The following CSMD1 variants were observed in gnomAD, a reference collection of about 807,000 sequenced individuals.
CSMD1 encodes CUB and sushi domain-containing protein 1.
Under a neutral mutation model 417.5 loss-of-function variants are expected in CSMD1, and 213 were observed. The ratio of observed to expected loss-of-function variants is 0.51; its 90% confidence interval spans 0.46 to 0.57. The LOEUF is 0.57. Ranked by LOEUF, CSMD1 falls within the 20% of genes least tolerant of loss-of-function variation. CSMD1 has a pLI of 0.00. For synonymous variants in CSMD1, 2,862 were observed against 1,736.8 expected (o/e 1.65, Z -16.11); for missense variants, 6,923 against 4,529.7 (o/e 1.53, Z -15.17).
intron 5 of CSMD1, among the ~76,000 whole-genome samples, chr8:3,754,952 T>C (rs1279120632): frequency 8.8e-6 from 1 of 113,422 alleles, no homozygotes; most frequent in African/African-American, 3.4e-5. Context: ...AAAATTATGT[T>C]TTAAGAAAGC....
At chr8:4,638,150 A>C (rs1016279206) in intron 1 of CSMD1, among the ~76,000 whole-genome samples, 1 of 152,192 alleles carries the variant, frequency 6.6e-6, no homozygotes, top group African/African-American at 2.4e-5. Flanking sequence ...CAGCCTCATC[A>C]ATATCAAATT....
intron 6 of CSMD1, among the ~76,000 whole-genome samples, chr8:3,742,629 C>A (rs2129050797): frequency 6.6e-6 from 1 of 152,262 alleles, no homozygotes; most frequent in South Asian, 2.1e-4. Flanking sequence ...TCCACTTTTC[C>A]TTCTGCTCGT....
Position 4,358,863 on chromosome 8 carries a change from G to A in CSMD1, c.415+61090C>T, listed in dbSNP as rs569811898. The stretch of plus-strand genomic sequence containing the variant: ...AGTGCTCAAATAACTTTTAAACACG[G>A]TTTTACCAATAATCACCATAAACCT... On this transcript the variant is annotated intron_variant, in intron 3 of 69. Coordinates refer to ENST00000635120, the MANE Select transcript of CSMD1 (RefSeq NM_033225.6). Among the ~76,000 whole-genome samples, 277 of 152,080 alleles carry A rather than the reference G, an allele frequency of 1.8e-3. 1 individual carries two copies. The highest frequency in any genetic ancestry group is 1.8e-3 in the Non-Finnish European group (123 of 67,990).
At chr8:4,249,458 G>C (rs1338952435) in intron 3 of CSMD1, among the ~76,000 whole-genome samples, 1 of 152,198 alleles carries the variant, frequency 6.6e-6, no homozygotes, top group Non-Finnish European at 1.5e-5. Flanking sequence ...CATGGAGACA[G>C]TGCGTGATGT....
intron 3 of CSMD1, among the ~76,000 whole-genome samples, chr8:4,370,509 C>T (rs1802334615): frequency 6.6e-6 from 1 of 152,200 alleles, no homozygotes; most frequent in African/African-American, 2.4e-5. Context: ...GAAGGATTTC[C>T]ATGGACTATA....
intron 10 of CSMD1, among the ~76,000 whole-genome samples, chr8:3,558,819 G>T (rs537358170): frequency 6.6e-6 from 1 of 151,708 alleles, no homozygotes; most frequent in African/African-American, 2.4e-5. Context: ...AGCACCTCGT[G>T]TCCACTCCTC....
chr8:4,494,432 T>A lies in CSMD1; in HGVS notation c.303-74367A>T, dbSNP rs6990919. 6.9e-3 allele frequency among the ~76,000 whole-genome samples: 1,051 copies of A among 152,330 alleles called. 12 individuals carry two copies. The highest frequency in any genetic ancestry group is 0.024 in the African/African-American group (1,001 of 41,572). On this transcript the variant is annotated intron_variant, in intron 2 of 69. Coordinates refer to ENST00000635120, the MANE Select transcript of CSMD1 (RefSeq NM_033225.6). ...CAAGTCAGTTTCCCTACAATTAGTT[T>A]ATCGCATATATTGCTTGAAAACATT...
chr8:3,704,258 G>C (rs1205550162), intron 7 of CSMD1, among the ~76,000 whole-genome samples: 2 of 152,082 alleles, frequency 1.3e-5, no homozygotes, highest in Non-Finnish European at 2.9e-5. Context: ...TCTGCACCTG[G>C]ACAGATGAGC....
chr8:4,874,860 TAGTATAGTGTATATATAGTATAG>T (rs1444742339), intron 1 of CSMD1, among the ~76,000 whole-genome samples: 41 of 148,784 alleles, frequency 2.8e-4, no homozygotes, highest in Admixed American at 2.0e-4. Flanking sequence ...ATATTAAATA[TAGTATAGTGTATATATAGTATAG>T]AGTATAGTGT....
intron 18 of CSMD1, among the ~76,000 whole-genome samples, chr8:3,370,702 C>T (rs1245601759): frequency 4.6e-5 from 7 of 152,164 alleles, no homozygotes; most frequent in Non-Finnish European, 7.3e-5. Flanking sequence ...AGGCTGGGCA[C>T]GGTAGCTCAC....
At chr8:3,885,284 T>C (rs1169871917) in intron 5 of CSMD1, among the ~76,000 whole-genome samples, 1 of 152,128 alleles carries the variant, frequency 6.6e-6, no homozygotes, top group Non-Finnish European at 1.5e-5. Context: ...GTGTGAGTTA[T>C]AGAATCAATC....
intron 23 of CSMD1, among the ~76,000 whole-genome samples, chr8:3,317,910 A>G (rs1805882068): frequency 6.6e-6 from 1 of 152,198 alleles, no homozygotes; most frequent in African/African-American, 2.4e-5. Context: ...TAGCAGGCTC[A>G]AGCGATCCTC....
chr8:4,625,982 C>G (rs1460985024), intron 2 of CSMD1, among the ~76,000 whole-genome samples: 2 of 152,100 alleles, frequency 1.3e-5, no homozygotes, highest in African/African-American at 2.4e-5. Flanking sequence ...CCTTGGTCTC[C>G]CAAAGTGCTG....
intron 69 of CSMD1, among the ~76,000 whole-genome samples, chr8:2,939,846 C>T (rs1214569280): frequency 2.0e-5 from 3 of 152,196 alleles, no homozygotes; most frequent in Non-Finnish European, 2.9e-5. Context: ...ACAAATCCAG[C>T]CCCTCGTCAA....
In CSMD1 at chr8:4,529,683, G is replaced by C. The variant is rs148891401; in HGVS notation, c.302+107659C>G. On this transcript the variant is annotated intron_variant, in intron 2 of 69. Coordinates refer to ENST00000635120, the MANE Select transcript of CSMD1 (RefSeq NM_033225.6). ...TATTAACAGCAAATTAGTTTTTAGT[G>C]TAAGTATAATTCATAGAATATGTGG... is the stretch of plus-strand genomic sequence containing the variant. Among the ~76,000 whole-genome samples, 358 of 152,124 alleles carry C rather than the reference G, an allele frequency of 2.4e-3. 1 individual carries two copies. Among genetic ancestry groups the C allele is most frequent in the African/African-American group, 8.2e-3 (341 of 41,536 alleles).
chr8:4,275,214 G>C (rs1461432598), intron 3 of CSMD1, among the ~76,000 whole-genome samples: 1 of 151,978 alleles, frequency 6.6e-6, no homozygotes, highest in African/African-American at 2.4e-5. Flanking sequence ...TTATTGTCTA[G>C]TTTGTTTTTA....
rs2117394050 is a variant in CSMD1, at chr8:4,973,902, C to T, written c.85+20430G>A. On this transcript the variant is annotated intron_variant, in intron 1 of 69. Coordinates refer to ENST00000635120, the MANE Select transcript of CSMD1 (RefSeq NM_033225.6). ...ATCACACCTGGCTGAAAACATTTTT[C>T]TCCAAAGTCTGTCTGTTTCTTGGAA... Among the ~76,000 whole-genome samples the T allele has an allele frequency of 1.3e-5, 2 of 152,312 alleles. 1 individual carries two copies. Among genetic ancestry groups the T allele is most frequent in the South Asian group, 4.1e-4 (2 of 4,834 alleles).
chr8:3,162,019 C>T, intron 38 of CSMD1, 140 bp downstream of exon 38: 2 of 594,868 alleles, frequency 3.4e-6, no homozygotes, highest in South Asian at 4.5e-5. Flanking sequence ...AGATGACCAA[C>T]ATGCATGATT....
chr8:4,663,938 G>A lies in CSMD1; in HGVS notation c.86-26380C>T, dbSNP rs558567616. 2.6e-5 allele frequency among the ~76,000 whole-genome samples: 4 copies of A among 152,288 alleles called. No homozygotes were observed. The South Asian group carries it at 8.3e-4, about 32-fold the overall frequency. On this transcript the variant is annotated intron_variant, in intron 1 of 69. Coordinates refer to ENST00000635120, the MANE Select transcript of CSMD1 (RefSeq NM_033225.6). ...CATCTGACGATGGCTCCACTGGGAT[G>A]GAAATTGGAAAGCTAATCCAGATAA...
Sources: gnomAD v4.1 joint callset for allele counts (sites outside exome capture counted in the v4.1 genomes callset) on GRCh38, gnomAD v4.1.1 for gene constraint, MANE v1.5 for transcripts, NCBI Gene and HGNC (gene_info 2026-07-23, HGNC 2026-07-21) for gene names.